The following PRKACB variants were observed in gnomAD, a reference collection of about 807,000 sequenced individuals.
PRKACB encodes protein kinase cAMP-activated catalytic subunit beta, also known as cAMP-dependent protein kinase catalytic subunit beta.
In PRKACB, 16 loss-of-function variants were observed where a neutral mutation model predicts 51.4. That is an observed-to-expected ratio of 0.31 (90% CI 0.21 to 0.47). The LOEUF (loss-of-function observed/expected upper bound fraction) is 0.47, where lower values mean the gene tolerates loss of function less well. Among genes scored for constraint, PRKACB ranks in the 20% least tolerant of loss-of-function variants. The pLI is 1.00. For missense variants in PRKACB, 309 were observed against 464.5 expected (o/e 0.67, Z 3.08); for synonymous variants, 147 against 154.4 (o/e 0.95, Z 0.35).
At chr1:84,178,105 TAGTAAC>T (rs1276201903) in intron 1 of PRKACB, among the ~76,000 whole-genome samples, 2 of 152,050 alleles carry the variant, frequency 1.3e-5, no homozygotes, top group Non-Finnish European at 2.9e-5. Context: ...CCTTTTTGGT[TAGTAAC>T]AGTATTTTCC....
chr1:84,177,103 C>T (rs1471386346), intron 1 of PRKACB, among the ~76,000 whole-genome samples: 1 of 151,858 alleles, frequency 6.6e-6, no homozygotes, highest in Admixed American at 6.6e-5. Flanking sequence ...TTTTCTTTGT[C>T]TCTAAATTAT....
chr1:84,190,205 A>G (rs1252950598), intron 5 of PRKACB, among the ~76,000 whole-genome samples: 1 of 151,954 alleles, frequency 6.6e-6, no homozygotes, highest in Non-Finnish European at 1.5e-5. Context: ...TAAGGGATTT[A>G]TATTTATTTA....
chr1:84,219,846 C>T (rs1219107130), intron 9 of PRKACB, among the ~76,000 whole-genome samples: 1 of 151,992 alleles, frequency 6.6e-6, no homozygotes, highest in African/African-American at 2.4e-5. Context: ...GTTTTAGTTA[C>T]TATAGCTTTA....
chr1:84,102,246 G>T (rs2100812139), intron 1 of PRKACB, among the ~76,000 whole-genome samples: 2 of 152,012 alleles, frequency 1.3e-5, no homozygotes, highest in Middle Eastern at 3.4e-3. Flanking sequence ...AATTAGCTGG[G>T]CGTGGTGTTG....
rs551416159 is a variant in PRKACB, at chr1:84,211,531, A to G, written c.907-2622A>G. 1.4e-4 allele frequency among the ~76,000 whole-genome samples: 21 copies of G among 152,322 alleles called. No homozygotes were observed. In the South Asian group the frequency reaches 4.1e-3, roughly 30 times the overall value. On this transcript the variant is annotated intron_variant, in intron 8 of 9. Transcript: ENST00000370685. ...TCTCTAGTTATTACTTCATCTAGGT[A>G]AATGAGGAAATGTGCAGCAAAATAT...
chr1:84,148,386 A>G (rs956301587), intron 1 of PRKACB, among the ~76,000 whole-genome samples: 1 of 151,596 alleles, frequency 6.6e-6, no homozygotes, highest in East Asian at 1.9e-4. Flanking sequence ...TAGTTTGTAT[A>G]CTATATATAT....
intron 1 of PRKACB, among the ~76,000 whole-genome samples, chr1:84,147,031 C>T (rs1654192537): frequency 6.6e-6 from 1 of 151,982 alleles, no homozygotes; most frequent in Non-Finnish European, 1.5e-5. Context: ...CTCTTTCTAG[C>T]AAATTTATTA....
At chr1:84,096,150 G>T (rs572236254) in intron 1 of PRKACB, among the ~76,000 whole-genome samples, 2 of 152,122 alleles carry the variant, frequency 1.3e-5, no homozygotes, top group Non-Finnish European at 2.9e-5. Context: ...GTGAGGCTTG[G>T]TCTATTTCCT....
At chr1:84,109,845 T>C (rs1650071504) in intron 1 of PRKACB, among the ~76,000 whole-genome samples, 1 of 151,998 alleles carries the variant, frequency 6.6e-6, no homozygotes, top group South Asian at 2.1e-4. Context: ...TTGAAGTATA[T>C]GTGAATATCT....
Position 84,196,604 on chromosome 1 carries a change from A to G in PRKACB, c.561-12A>G. ...ATTTTTACAGAAAATCAATGGTTTT[A>G]TTTCTTTGCAGTGAGCCCCATGCAC... On this transcript the variant is annotated splice_polypyrimidine_tract_variant and intron_variant, in intron 5 of 9. Transcript: ENST00000370685. The G allele has an allele frequency of 6.2e-7, 1 of 1,603,502 alleles. No homozygotes were observed. Among genetic ancestry groups the G allele is most frequent in the Non-Finnish European group, 8.5e-7 (1 of 1,176,220 alleles).
At chr1:84,202,878 T>C in intron 8 of PRKACB, 73 bp downstream of exon 8, 2 of 1,285,864 alleles carry the variant, frequency 1.6e-6, no homozygotes, top group Non-Finnish European at 2.1e-6. Context: ...TGAAACTATA[T>C]TGTGTCATAA....
At chr1:84,212,552 T>C (rs1278217156) in intron 8 of PRKACB, among the ~76,000 whole-genome samples, 1 of 152,170 alleles carries the variant, frequency 6.6e-6, no homozygotes, top group East Asian at 1.9e-4. Context: ...GCAAAATTCA[T>C]GAAGCTACAA....
intron 1 of PRKACB, among the ~76,000 whole-genome samples, chr1:84,095,743 C>G (rs1648878219): frequency 6.6e-6 from 1 of 151,788 alleles, no homozygotes; most frequent in Non-Finnish European, 1.5e-5. Flanking sequence ...CTTTCCTATT[C>G]TTCTGAGATA....
At chr1:84,091,603 A>G (rs1648474023) in intron 1 of PRKACB, among the ~76,000 whole-genome samples, 1 of 151,992 alleles carries the variant, frequency 6.6e-6, no homozygotes, top group African/African-American at 2.4e-5. Flanking sequence ...TCCTGATCTC[A>G]GGTGATCCCT....
In PRKACB at chr1:84,192,263, CAAAG is replaced by C. The variant is rs746501184; in HGVS notation, c.561-4350_561-4347del. Among the ~76,000 whole-genome samples the C allele has an allele frequency of 2.6e-5, 4 of 151,926 alleles. No homozygotes were observed. In the East Asian group the frequency reaches 7.7e-4, roughly 29 times the overall value. ...TCAGTTAGCAATATACTGGAATAGACAAAGAACTGTTAACTGAGAAAATGTGAAT... is the reference window on the plus strand; with the variant it reads ...TCAGTTAGCAATATACTGGAATAGACAACTGTTAACTGAGAAAATGTGAAT... On this transcript the variant is annotated intron_variant, in intron 5 of 9. Coordinates refer to ENST00000370685, the MANE Select transcript of PRKACB (RefSeq NM_182948.4).
At chr1:84,135,959 A>G (rs115931149) in intron 1 of PRKACB, among the ~76,000 whole-genome samples, 1,781 of 152,156 alleles carry the variant, frequency 0.012, 42 homozygotes, top group African/African-American at 0.039. Context: ...CAACAAAACT[A>G]AAAGTTATTT....
chr1:84,211,127 TCACACA>T (rs3051185), intron 8 of PRKACB, among the ~76,000 whole-genome samples: 3,569 of 148,588 alleles, frequency 0.024, 61 homozygotes, highest in African/African-American at 0.034. Flanking sequence ...CACTCCACTG[TCACACA>T]CACACACACA....
upstream of PRKACB, among the ~76,000 whole-genome samples, chr1:84,143,902 A>G (rs946049129): frequency 1.3e-5 from 2 of 152,156 alleles, no homozygotes; most frequent in East Asian, 1.9e-4. Context: ...ATAAGGATTC[A>G]TAAAATCTGT....
chr1:84,143,692 A>G (rs1390198060), upstream of PRKACB, among the ~76,000 whole-genome samples: 2 of 152,220 alleles, frequency 1.3e-5, no homozygotes, highest in African/African-American at 2.4e-5. Flanking sequence ...TCAGCAGATT[A>G]TAAGTTTGAT....
Sources: gnomAD v4.1 joint callset for allele counts (sites outside exome capture counted in the v4.1 genomes callset) on GRCh38, gnomAD v4.1.1 for gene constraint, MANE v1.5 for transcripts, NCBI Gene and HGNC (gene_info 2026-07-23, HGNC 2026-07-21) for gene names.